GRM3: variants seen among roughly 807,000 people sequenced by gnomAD.
The protein encoded by GRM3 is glutamate metabotropic receptor 3, also known as metabotropic glutamate receptor 3.
GRM3 carries 26 observed loss-of-function variants against 70.5 expected under a neutral mutation model. The ratio of observed to expected loss-of-function variants is 0.37; its 90% CI spans 0.27 to 0.51. GRM3 has a LOEUF of 0.51. GRM3 is among the 20% of genes least tolerant of loss of function. The probability of loss-of-function intolerance (pLI) is 0.93; values close to 1 mark genes in which losing one functional copy is unlikely to be tolerated. For missense variants in GRM3, 859 were observed against 1,123.8 expected, an observed-to-expected ratio of 0.76 and a Z score of 3.37; for synonymous variants, 443 against 434.9, an observed-to-expected ratio of 1.02 and a Z score of -0.23.
At chr7:86,745,374 G>T (rs1389551446) in intron 1 of GRM3, among the ~76,000 whole-genome samples, 1 of 152,042 alleles carries the variant, frequency 6.6e-6, no homozygotes, top group African/African-American at 2.4e-5. Flanking sequence ...GGAAAAGGAA[G>T]GCTCAGATTT....
At chr7:86,772,095 A>T (rs557629785) in intron 2 of GRM3, among the ~76,000 whole-genome samples, 2 of 152,246 alleles carry the variant, frequency 1.3e-5, no homozygotes, top group South Asian at 4.1e-4. Context: ...TCTTCCATGA[A>T]CTATAAGCCA....
chr7:86,817,542 G>A (rs1323861498), intron 3 of GRM3, among the ~76,000 whole-genome samples: 1 of 151,702 alleles, frequency 6.6e-6, no homozygotes, highest in Non-Finnish European at 1.5e-5. Context: ...AGCTGTTTAG[G>A]GCTAGCTTTT....
chr7:86,644,270 TG>T lies in GRM3; in HGVS notation c.-742del. The T allele has an allele frequency of 5.1e-6, 1 of 194,450 alleles. No individual in the cohort carries two copies. The highest frequency in any genetic ancestry group is 1.1e-5 in the Non-Finnish European group (1 of 94,010). The allele number at this position is 194,450 out of a possible 1,614,324, so 12.0% of individuals were successfully genotyped here. A position where few individuals can be genotyped will look rare whatever the true frequency, so the allele number is the denominator to read the frequency against. ...CTCTCGTCTAGGTACCCTGGCTCAC[TG>T]AAGACTCTGCAGATATACCCTTATA... On this transcript the variant is annotated 5_prime_UTR_variant, in exon 1 of 6. Coordinates refer to ENST00000361669, the MANE Select transcript of GRM3 (RefSeq NM_000840.3).
At chr7:86,715,264 T>C (rs189382566) in intron 1 of GRM3, among the ~76,000 whole-genome samples, 12 of 152,130 alleles carry the variant, frequency 7.9e-5, no homozygotes, top group African/African-American at 2.6e-4. Flanking sequence ...GTTGCACTCA[T>C]GCACATATCA....
At chr7:86,700,847 G>A (rs570321374) in intron 1 of GRM3, among the ~76,000 whole-genome samples, 1 of 152,028 alleles carries the variant, frequency 6.6e-6, no homozygotes, top group South Asian at 2.1e-4. Flanking sequence ...AATGTTCTGA[G>A]ATAGACTTAT....
intron 2 of GRM3, among the ~76,000 whole-genome samples, chr7:86,770,390 C>G (rs985478825): frequency 6.6e-6 from 1 of 152,092 alleles, no homozygotes; most frequent in African/African-American, 2.4e-5. Context: ...ATTTCTAGCA[C>G]TATCCACATC....
At chr7:86,785,369 T>A (rs1004530110) in intron 2 of GRM3, among the ~76,000 whole-genome samples, 1 of 152,220 alleles carries the variant, frequency 6.6e-6, no homozygotes, top group Non-Finnish European at 1.5e-5. Flanking sequence ...AGTGTCACTT[T>A]CCTTTTTATT....
chr7:86,653,416 C>G (rs1221438430), intron 1 of GRM3, among the ~76,000 whole-genome samples: 1 of 152,214 alleles, frequency 6.6e-6, no homozygotes, highest in Non-Finnish European at 1.5e-5. Context: ...TTACTTTCCA[C>G]AGCAAGTTCA....
chr7:86,852,131 T>C (rs942299616), intron 5 of GRM3, among the ~76,000 whole-genome samples: 1 of 152,172 alleles, frequency 6.6e-6, no homozygotes, highest in African/African-American at 2.4e-5. Flanking sequence ...TCAAAGCCAG[T>C]GCACCTAACT....
intron 1 of GRM3, among the ~76,000 whole-genome samples, chr7:86,676,103 C>CT (rs558653180): frequency 2.4e-4 from 37 of 151,630 alleles, no homozygotes; most frequent in African/African-American, 8.5e-4. Flanking sequence ...AAGCCTTAGG[C>CT]TTTTTTTTCC....
At chr7:86,738,152 A>G (rs934209965) in intron 1 of GRM3, among the ~76,000 whole-genome samples, 3 of 152,140 alleles carry the variant, frequency 2.0e-5, no homozygotes, top group African/African-American at 7.2e-5. Flanking sequence ...ATAGGGATGG[A>G]CAGCAAACAG....
intron 2 of GRM3, among the ~76,000 whole-genome samples, chr7:86,769,223 T>C (rs890219476): frequency 1.3e-5 from 2 of 152,124 alleles, no homozygotes; most frequent in Admixed American, 6.6e-5. Flanking sequence ...CATTTTTAAC[T>C]ACTTTTGACT....
chr7:86,645,685 A>C (rs529476337), intron 1 of GRM3, among the ~76,000 whole-genome samples: 1 of 152,246 alleles, frequency 6.6e-6, no homozygotes, highest in African/African-American at 2.4e-5. Flanking sequence ...TATATTAAGG[A>C]AGGATTCTCC....
At chr7:86,857,296 G>A (rs1798869378) in intron 5 of GRM3, among the ~76,000 whole-genome samples, 1 of 152,090 alleles carries the variant, frequency 6.6e-6, no homozygotes, top group Non-Finnish European at 1.5e-5. Context: ...GTTTGAATGT[G>A]GCTAGAGGAA....
intron 3 of GRM3, among the ~76,000 whole-genome samples, chr7:86,787,882 A>C (rs1797305507): frequency 6.6e-6 from 1 of 152,212 alleles, no homozygotes; most frequent in African/African-American, 2.4e-5. Flanking sequence ...TATTTCTCTA[A>C]CTATAGTATT....
intron 1 of GRM3, among the ~76,000 whole-genome samples, chr7:86,704,850 TC>T (rs1446799830): frequency 6.6e-6 from 1 of 151,924 alleles, no homozygotes; most frequent in Non-Finnish European, 1.5e-5. Flanking sequence ...TTAATATAGT[TC>T]CTTTTTCTTT....
At chr7:86,838,817 T>A (rs745682319) in intron 3 of GRM3, 22 bp from the exon 4 acceptor site, 2 of 1,402,044 alleles carry the variant, frequency 1.4e-6, no homozygotes, top group Non-Finnish European at 2.0e-6. Flanking sequence ...TTCTTTTTTT[T>A]CTTTCACTTT....
chr7:86,815,770 T>C (rs905224648), intron 3 of GRM3, among the ~76,000 whole-genome samples: 1 of 151,912 alleles, frequency 6.6e-6, no homozygotes, highest in African/African-American at 2.4e-5. Context: ...CAAACCAGAC[T>C]TTATCCTGTC....
At chr7:86,653,044 A>G (rs1793645856) in intron 1 of GRM3, among the ~76,000 whole-genome samples, 1 of 152,202 alleles carries the variant, frequency 6.6e-6, no homozygotes, top group Non-Finnish European at 1.5e-5. Context: ...AACAACAAAC[A>G]TTTATTTTTC....
Sources: gnomAD v4.1 joint callset for allele counts (sites outside exome capture counted in the v4.1 genomes callset) on GRCh38, gnomAD v4.1.1 for gene constraint, MANE v1.5 for transcripts, NCBI Gene and HGNC (gene_info 2026-07-23, HGNC 2026-07-21) for gene names.